KCNMA1: variants seen among roughly 807,000 people sequenced by gnomAD.
The protein encoded by KCNMA1 is potassium calcium-activated channel subfamily M alpha 1.
KCNMA1 carries 29 observed loss-of-function variants against 140.0 expected under a neutral mutation model. The observed-to-expected ratio is 0.21, with a 90% confidence interval of 0.15 to 0.28. The LOEUF (loss-of-function observed/expected upper bound fraction) is 0.28, where lower values mean the gene tolerates loss of function less well. Among genes scored for constraint, KCNMA1 ranks in the 10% least tolerant of loss-of-function variants. The pLI, the probability that KCNMA1 is intolerant of heterozygous loss-of-function variation, is 1.00. For missense variants in KCNMA1, 880 were observed against 1,602.2 expected (o/e 0.55, Z 7.70); for synonymous variants, 612 against 611.9 (o/e 1.00, Z 0.00).
chr10:76,915,149 T>C, intron 23 of KCNMA1, 100 bp from the exon 24 acceptor site: 1 of 779,040 alleles, frequency 1.3e-6, no homozygotes, highest in East Asian at 2.6e-5. Context: ...AAATGTAGCT[T>C]ATGCATTATT....
Position 77,198,568 on chromosome 10 carries a change from G to GATATATATATATAT in KCNMA1, c.603-13666_603-13653dup, listed in dbSNP as rs3998087. Reference sequence around the variant, plus strand: ...TCATCAGCAAAAAGCATATATATGTGATATATATATATATATATATATATA... The same window carrying GATATATATATATAT: ...TCATCAGCAAAAAGCATATATATGTGATATATATATATATATATATATATATATATATATATATA... On this transcript the variant is annotated intron_variant, in intron 3 of 27. Transcript: ENST00000286628. Among the ~76,000 whole-genome samples, 949 of 138,298 alleles carry GATATATATATATAT rather than the reference G, an allele frequency of 6.9e-3. 4 individuals are homozygous for GATATATATATATAT. Among genetic ancestry groups the GATATATATATATAT allele is most frequent in the Middle Eastern group, 0.012 (3 of 242 alleles). 90.7% of individuals were successfully genotyped at this position (138,298 alleles called of 152,430 possible). A position where few individuals can be genotyped will look rare whatever the true frequency, so the allele number is the denominator to read the frequency against.
In KCNMA1 at chr10:76,959,505, A is replaced by G. The variant is rs1006669579; in HGVS notation, c.2361-5581T>C. On this transcript the variant is annotated intron_variant, in intron 20 of 27. Transcript: ENST00000286628. ...ATTCAATGGATTCCATTTGAGGATT[A>G]CATGAGTAAAGATATTTCATGCCCT... Among the ~76,000 whole-genome samples, 6 of 152,234 alleles carry G rather than the reference A, an allele frequency of 3.9e-5. No homozygotes were observed. In the East Asian group the frequency reaches 5.8e-4, roughly 15 times the overall value.
At chr10:77,270,011 G>A (rs1307423884) in intron 2 of KCNMA1, among the ~76,000 whole-genome samples, 2 of 152,172 alleles carry the variant, frequency 1.3e-5, no homozygotes, top group African/African-American at 2.4e-5. Context: ...TGCTTTGGCA[G>A]GCTGTTCCCT....
intron 1 of KCNMA1, among the ~76,000 whole-genome samples, chr10:77,482,119 G>A (rs1396769987): frequency 6.6e-6 from 1 of 152,224 alleles, no homozygotes; most frequent in Non-Finnish European, 1.5e-5. Context: ...TATTCAGGCA[G>A]ATTAAATATT....
intron 16 of KCNMA1, among the ~76,000 whole-genome samples, chr10:77,024,454 A>AAAAGT (rs1179326772): frequency 6.6e-6 from 1 of 152,168 alleles, no homozygotes; most frequent in African/African-American, 2.4e-5. Context: ...AATCACAGAG[A>AAAAGT]AAAGTAACTT....
intron 3 of KCNMA1, chr10:77,250,866 G>A (rs925976033): frequency 3.1e-6 from 1 of 325,226 alleles, no homozygotes; most frequent in Non-Finnish European, 5.9e-6. Flanking sequence ...CCCAGAAGTT[G>A]CAAATTCCCA....
intron 1 of KCNMA1, among the ~76,000 whole-genome samples, chr10:77,450,944 T>G (rs2097642700): frequency 6.6e-6 from 1 of 152,114 alleles, no homozygotes; most frequent in Non-Finnish European, 1.5e-5. Context: ...GATCTGATGG[T>G]TTTATTAAGG....
intron 3 of KCNMA1, among the ~76,000 whole-genome samples, chr10:77,196,013 T>C (rs2040348973): frequency 6.6e-6 from 1 of 152,168 alleles, no homozygotes; most frequent in Non-Finnish European, 1.5e-5. Context: ...GATTTTTGGG[T>C]ATAAATTTGG....
intron 2 of KCNMA1, among the ~76,000 whole-genome samples, chr10:77,403,459 G>A (rs1230994163): frequency 3.9e-5 from 6 of 152,036 alleles, no homozygotes; most frequent in Non-Finnish European, 8.8e-5. Context: ...AACATCCCCC[G>A]AAGACCACCA....
At chr10:77,541,407 T>G (rs1472638233) in intron 1 of KCNMA1, among the ~76,000 whole-genome samples, 1 of 152,184 alleles carries the variant, frequency 6.6e-6, no homozygotes, top group African/African-American at 2.4e-5. Context: ...AAACTAATTT[T>G]GTTCCTCAAA....
rs3998084 is a variant in KCNMA1, at chr10:77,314,923, A to AACACACAC, written c.541-63675_541-63668dup. Among the ~76,000 whole-genome samples, 86 of 146,356 alleles carry AACACACAC rather than the reference A, an allele frequency of 5.9e-4. 1 individual carries two copies. The highest frequency in any genetic ancestry group is 2.9e-3 in the Admixed American group (42 of 14,606). Reference sequence around the variant, plus strand: ...GTTCAGAAGACACCACCACACCCCCAACACACACACACACACACACACACA... The same window carrying AACACACAC: ...GTTCAGAAGACACCACCACACCCCCAACACACACACACACACACACACACACACACACA... On this transcript the variant is annotated intron_variant, in intron 2 of 27. Transcript: ENST00000286628.
chr10:77,090,575 G>A (rs551259677), intron 9 of KCNMA1, 65 bp from the exon 10 acceptor site: 46 of 1,059,020 alleles, frequency 4.3e-5, no homozygotes, highest in Admixed American at 2.0e-4. Context: ...CCCACCCCCT[G>A]GCAAGACAGC....
chr10:77,479,151 T>C (rs929900779), intron 1 of KCNMA1, among the ~76,000 whole-genome samples: 7 of 152,210 alleles, frequency 4.6e-5, no homozygotes, highest in Admixed American at 4.6e-4. Flanking sequence ...TCATAAGCAA[T>C]GCGAGGGTAT....
chr10:77,189,207 A>G (rs12763167), intron 3 of KCNMA1, among the ~76,000 whole-genome samples: 24,465 of 152,106 alleles, frequency 0.16, 2,433 homozygotes, highest in Non-Finnish European at 0.21. Context: ...GCCACTCCCA[A>G]AAAACCTTTC....
intron 20 of KCNMA1, among the ~76,000 whole-genome samples, chr10:76,965,436 T>G (rs567150840): frequency 4.1e-4 from 63 of 152,306 alleles, no homozygotes; most frequent in African/African-American, 1.3e-3. Flanking sequence ...AATCTCCTGA[T>G]GGAGGACTCC....
chr10:77,004,031 G>A (rs1227576760), intron 18 of KCNMA1, among the ~76,000 whole-genome samples: 1 of 152,044 alleles, frequency 6.6e-6, no homozygotes, highest in African/African-American at 2.4e-5. Flanking sequence ...GGCTGAAACT[G>A]GTAATCGAAG....
intron 2 of KCNMA1, among the ~76,000 whole-genome samples, chr10:77,359,837 T>C (rs988928888): frequency 6.6e-6 from 1 of 152,246 alleles, no homozygotes; most frequent in Non-Finnish European, 1.5e-5. Context: ...TCAATTTTCC[T>C]GTTCATTTCT....
rs373998510 is a variant in KCNMA1, at chr10:76,964,857, C to T, written c.2360+5117G>A. Reference sequence around the variant, plus strand: ...GTTTTCCTCAAATCATATTTTGCCTCCCATTCAGGAAACTAATGTCTAATA... The same window carrying T: ...GTTTTCCTCAAATCATATTTTGCCTTCCATTCAGGAAACTAATGTCTAATA... On this transcript the variant is annotated intron_variant, in intron 20 of 27. Coordinates refer to ENST00000286628, the MANE Select transcript of KCNMA1 (RefSeq NM_001161352.2). Among the ~76,000 whole-genome samples, 17 of 152,274 alleles carry T rather than the reference C, an allele frequency of 1.1e-4. No homozygotes were observed. In the East Asian group the frequency reaches 2.3e-3, roughly 21 times the overall value.
At chr10:77,603,763 C>G (rs868620350) in intron 1 of KCNMA1, among the ~76,000 whole-genome samples, 2 of 152,182 alleles carry the variant, frequency 1.3e-5, no homozygotes, top group Non-Finnish European at 2.9e-5. Flanking sequence ...ACAGAGGACT[C>G]TAGTCTCTCA....
Sources: gnomAD v4.1 joint callset for allele counts (sites outside exome capture counted in the v4.1 genomes callset) on GRCh38, gnomAD v4.1.1 for gene constraint, MANE v1.5 for transcripts, NCBI Gene and HGNC (gene_info 2026-07-23, HGNC 2026-07-21) for gene names.